The following ARHGEF9 variants were observed in gnomAD, a reference collection of about 807,000 sequenced individuals.
The protein encoded by ARHGEF9 is Cdc42 guanine nucleotide exchange factor 9.
ARHGEF9 carries 2 observed loss-of-function variants against 41.3 expected under a neutral mutation model. The ratio of observed to expected loss-of-function variants is 0.05; its 90% CI spans 0.02 to 0.15. The LOEUF is 0.15. ARHGEF9 is among the 10% of genes least tolerant of loss of function. The pLI is 1.00. For missense variants in ARHGEF9, 225 were observed against 424.7 expected (o/e 0.53, Z 4.13); for synonymous variants, 160 against 154.4 (o/e 1.04, Z -0.27).
At chrX:63,644,717 C>T (rs2047881662) in intron 8 of ARHGEF9, among the ~76,000 whole-genome samples, 1 of 109,124 alleles carries the variant, frequency 9.2e-6, no homozygotes, top group Non-Finnish European at 1.9e-5. Context: ...TTACTAGAAT[C>T]CTAATCTGAA....
At chrX:63,649,827 C>T (rs1477055418) in intron 8 of ARHGEF9, among the ~76,000 whole-genome samples, 11 of 111,749 alleles carry the variant, frequency 9.8e-5, no homozygotes, top group Non-Finnish European at 1.9e-5. Context: ...CGCAAATAAA[C>T]TAGAAAATCT....
In ARHGEF9 at chrX:63,646,040, T is replaced by C. The variant is rs572344831; in HGVS notation, c.1322-1992A>G. Among the ~76,000 whole-genome samples the C allele has an allele frequency of 1.6e-4, 18 of 112,157 alleles. No individual in the cohort carries two copies. In the South Asian group the frequency reaches 6.8e-3, roughly 42 times the overall value. On this transcript the variant is annotated intron_variant, in intron 8 of 9. Transcript: ENST00000671741. ...CATAAATGTCTTCTTTTGAGAAGTGTCTGTTCATATCCTTCACCCACTTGT... is the reference window on the plus strand; with the variant it reads ...CATAAATGTCTTCTTTTGAGAAGTGCCTGTTCATATCCTTCACCCACTTGT...
chrX:63,764,784 G>C (rs1445438760), intron 1 of ARHGEF9, among the ~76,000 whole-genome samples: 1 of 110,746 alleles, frequency 9.0e-6, no homozygotes, highest in Non-Finnish European at 1.9e-5. Context: ...ACACATGGTG[G>C]GGGAACAACA....
At chrX:63,654,920 C>T (rs1206820911) in intron 8 of ARHGEF9, among the ~76,000 whole-genome samples, 1 of 111,951 alleles carries the variant, frequency 8.9e-6, no homozygotes, top group Non-Finnish European at 1.9e-5. Context: ...CTATCTATAT[C>T]CCCACTGGAA....
In ARHGEF9 at chrX:63,768,450, G is replaced by A. The variant is rs781785708; in HGVS notation, c.30+16666C>T. ...TGTGCTGTGATAAACATATGTGTGT[G>A]GGTGTCTTTTTGATATAATGACTTC... On this transcript the variant is annotated intron_variant, in intron 1 of 9. Coordinates refer to ENST00000671741, the MANE Select transcript of ARHGEF9 (RefSeq NM_001353921.2). Among the ~76,000 whole-genome samples the A allele has an allele frequency of 8.9e-5, 10 of 112,261 alleles. No individual in the cohort carries two copies. The South Asian group carries it at 3.7e-3, about 42-fold the overall frequency.
intron 4 of ARHGEF9, among the ~76,000 whole-genome samples, chrX:63,682,311 G>A (rs782453650): frequency 6.0e-4 from 66 of 110,300 alleles, no homozygotes; most frequent in Admixed American, 5.0e-3. Flanking sequence ...TCAGGAGATC[G>A]AGACCATCCT....
chrX:63,706,138 C>T, intron 3 of ARHGEF9, 120 bp downstream of exon 3: 3 of 777,737 alleles, frequency 3.9e-6, no homozygotes, highest in Admixed American at 5.4e-5. Flanking sequence ...AGTTTCACCT[C>T]ACTGAACAGA....
At chrX:63,710,274 C>A in intron 2 of ARHGEF9, among the ~76,000 whole-genome samples, 1 of 73,157 alleles carries the variant, frequency 1.4e-5, no homozygotes, top group Non-Finnish European at 2.4e-5. Context: ...TTCATTCAAT[C>A]TTGAAAACTT....
At chrX:63,717,626 A>C (rs1556411038) in intron 2 of ARHGEF9, among the ~76,000 whole-genome samples, 1 of 112,101 alleles carries the variant, frequency 8.9e-6, no homozygotes, top group East Asian at 2.8e-4. Context: ...GTATATTCCA[A>C]GAGGGTTTGA....
chrX:63,749,384 C>T (rs782257827), intron 1 of ARHGEF9, among the ~76,000 whole-genome samples: 8 of 111,468 alleles, frequency 7.2e-5, no homozygotes, highest in Non-Finnish European at 1.5e-4. Flanking sequence ...GCGTGTGCCA[C>T]CACGCCCGGC....
At chrX:63,644,472 T>A (rs1602181837) in intron 8 of ARHGEF9, among the ~76,000 whole-genome samples, 2 of 109,556 alleles carry the variant, frequency 1.8e-5, no homozygotes, top group Admixed American at 2.0e-4. Flanking sequence ...GAGGAAAAAA[T>A]CAAATGGAAA....
chrX:63,744,432 A>C (rs2055143880), intron 1 of ARHGEF9, among the ~76,000 whole-genome samples: 1 of 112,101 alleles, frequency 8.9e-6, no homozygotes, highest in African/African-American at 3.2e-5. Context: ...CAGCTTCCAC[A>C]ATGAGGAGAT....
intron 1 of ARHGEF9, among the ~76,000 whole-genome samples, chrX:63,760,849 A>C (rs1182251006): frequency 1.8e-5 from 2 of 111,966 alleles, no homozygotes; most frequent in Non-Finnish European, 3.8e-5. Context: ...ACTATACCTG[A>C]GAGTGTTTAC....
chrX:63,666,790 G>C (rs1205832347), intron 6 of ARHGEF9, among the ~76,000 whole-genome samples: 1 of 111,784 alleles, frequency 8.9e-6, no homozygotes, highest in Non-Finnish European at 1.9e-5. Context: ...AGAAAGCCTA[G>C]AACTACTTAT....
chrX:63,658,081 G>T (rs200489438), intron 7 of ARHGEF9: 163 of 111,964 alleles, frequency 1.5e-3, no homozygotes, highest in African/African-American at 4.9e-3. Context: ...CCCAAAAATA[G>T]AAAGAATATG....
intron 2 of ARHGEF9, among the ~76,000 whole-genome samples, chrX:63,722,417 T>G (rs1168208078): frequency 1.0e-4 from 11 of 108,375 alleles, no homozygotes; most frequent in South Asian, 8.3e-4. Flanking sequence ...TTTGTTTTTT[T>G]TTTTTTTTTG....
intron 4 of ARHGEF9, among the ~76,000 whole-genome samples, chrX:63,682,365 A>T (rs2050696132): frequency 9.1e-6 from 1 of 109,764 alleles, no homozygotes; most frequent in African/African-American, 3.3e-5. Flanking sequence ...ATACAAAAAA[A>T]TTAGCCAGGC....
chrX:63,635,418 A>G lies in ARHGEF9; in HGVS notation c.*2610T>C, dbSNP rs1292508298. ...GTTGAGGAAAAGGGAGCTCAGGGCC[A>G]TGCGGAAATTACAACATTACAGAAT... On this transcript the variant is annotated 3_prime_UTR_variant, in exon 10 of 10. Coordinates refer to ENST00000671741, the MANE Select transcript of ARHGEF9 (RefSeq NM_001353921.2). 2 of 522,540 alleles carry G rather than the reference A, an allele frequency of 3.8e-6. No individual in the cohort carries two copies. Among genetic ancestry groups the G allele is most frequent in the Non-Finnish European group, 7.0e-6 (2 of 285,940 alleles). The allele number at this position is 522,540 out of a possible 1,213,427, so 43.1% of individuals were successfully genotyped here.
intron 6 of ARHGEF9, among the ~76,000 whole-genome samples, chrX:63,667,622 G>A (rs2049662171): frequency 9.0e-6 from 1 of 110,633 alleles, no homozygotes; most frequent in Admixed American, 9.6e-5. Flanking sequence ...TGGTGTATTC[G>A]AGCATACCAT....
Sources: gnomAD v4.1 joint callset for allele counts (sites outside exome capture counted in the v4.1 genomes callset) on GRCh38, gnomAD v4.1.1 for gene constraint, MANE v1.5 for transcripts, NCBI Gene and HGNC (gene_info 2026-07-23, HGNC 2026-07-21) for gene names.